IDH3A: variants seen among roughly 807,000 people sequenced by gnomAD.
IDH3A encodes the protein isocitrate dehydrogenase [NAD] subunit alpha, mitochondrial.
Under a neutral mutation model 43.3 loss-of-function variants are expected in IDH3A, and 23 were observed. That is an observed-to-expected ratio of 0.53 (90% CI 0.38 to 0.75). The LOEUF (loss-of-function observed/expected upper bound fraction) is 0.75, where lower values mean the gene tolerates loss of function less well. Among genes scored for constraint, IDH3A ranks in the 30% least tolerant of loss-of-function variants. The pLI is 0.00. For synonymous variants in IDH3A, 154 were observed against 163.5 expected (o/e 0.94, Z 0.44); for missense variants, 329 against 474.4 (o/e 0.69, Z 2.85).
In IDH3A at chr15:78,161,541, A is replaced by G. The variant is rs779519779; in HGVS notation, c.290-40A>G. ...TTAGTAGGTCACACGTGAGACCAGA[A>G]TTCCTTCTAGTGTCATCTGGGTTTT... On this transcript the variant is annotated intron_variant, in intron 4 of 10. Transcript: ENST00000299518. This position sits in a 1 kb window ranked among gnomAD's most constrained non-coding sequence, Gnocchi z 4.8. The G allele has an allele frequency of 1.3e-6, 2 of 1,568,298 alleles. No homozygotes were observed. The highest frequency in any genetic ancestry group is 2.7e-5 in the African/African-American group (2 of 74,200).
chr15:78,164,610 C>T (rs1213620610), intron 8 of IDH3A, among the ~76,000 whole-genome samples: 2 of 152,188 alleles, frequency 1.3e-5, no homozygotes, highest in Non-Finnish European at 2.9e-5. Context: ...CCTTGGCCTC[C>T]CAAAGTGCTG....
intron 10 of IDH3A, among the ~76,000 whole-genome samples, chr15:78,166,640 G>T (rs1263929447): frequency 6.6e-6 from 1 of 152,082 alleles, no homozygotes; most frequent in East Asian, 1.9e-4. Context: ...CAAGTTCATT[G>T]ATTTTTTTTG....
chr15:78,150,148 C>G (rs962658793), intron 1 of IDH3A, among the ~76,000 whole-genome samples: 4 of 152,190 alleles, frequency 2.6e-5, no homozygotes, highest in Non-Finnish European at 5.9e-5. Context: ...CAATCTGGAG[C>G]GCTTTAGCTC....
chr15:78,165,219 T>G (rs2074726057), intron 9 of IDH3A, 143 bp downstream of exon 9: 1 of 617,730 alleles, frequency 1.6e-6, no homozygotes. Flanking sequence ...CGAGACGGAG[T>G]CTCGCTCTGT....
rs1285195324 is a variant in IDH3A, at chr15:78,161,807, C to G, written c.477+39C>G. The G allele has an allele frequency of 6.4e-7, 1 of 1,563,144 alleles. No homozygotes were observed. On this transcript the variant is annotated intron_variant, in intron 5 of 10. Coordinates refer to ENST00000299518, the MANE Select transcript of IDH3A (RefSeq NM_005530.3). The surrounding 1 kb of genome is among the most constrained non-coding windows in gnomAD (Gnocchi z 4.8). ...AGATTCTTTTTTATTCCTGCTTGGA[C>G]TGCTTTCTGTGCATCTGGGACCCCA...
chr15:78,168,984 C>T lies in IDH3A; in HGVS notation c.1080C>T (p.Arg360=). The change falls in exon 11 of 11, where the codon CGC becomes CGT. Residue 360 remains arginine, a synonymous_variant. Coordinates refer to ENST00000299518, the MANE Select transcript of IDH3A (RefSeq NM_005530.3). ...CAGACTTCACAGAGGAAATCTGTCG[C>T]CGAGTAAAAGATTTAGATTAACACT... ...KCSDFTEEIC[R]RVKDLD 1 of 1,599,512 alleles carries T rather than the reference C, an allele frequency of 6.3e-7. No individual in the cohort carries two copies. Among genetic ancestry groups the T allele is most frequent in the Non-Finnish European group, 8.6e-7 (1 of 1,167,854 alleles).
At position 78,170,804 on chromosome 15, in the gene IDH3A, T is replaced by C. The variant is rs904017710; in HGVS notation, c.*1799T>C. On this transcript the variant is annotated 3_prime_UTR_variant, in exon 11 of 11. Coordinates refer to ENST00000299518, the MANE Select transcript of IDH3A (RefSeq NM_005530.3). ...GTTAAATGCCCACTACTCTCTGCAC[T>C]GGTCCCACCTGCTCAATTGACAAAA... is the stretch of plus-strand genomic sequence containing the variant. The C allele has an allele frequency of 2.7e-4, 42 of 153,010 alleles. No individual in the cohort carries two copies. Among genetic ancestry groups the C allele is most frequent in the African/African-American group, 9.9e-4 (41 of 41,582 alleles). 9.5% of individuals were successfully genotyped at this position (153,010 alleles called of 1,614,324 possible).
At chr15:78,160,328 T>C (rs553638556) in intron 4 of IDH3A, 122 bp downstream of exon 4, 28 of 607,240 alleles carry the variant, frequency 4.6e-5, no homozygotes, top group African/African-American at 3.7e-4. Flanking sequence ...CGCCATTCTT[T>C]TATGAAGTAA....
In IDH3A at chr15:78,166,321, T is replaced by A. The variant is rs780754787; in HGVS notation, c.1017+19T>A. On this transcript the variant is annotated intron_variant, in intron 10 of 10. Coordinates refer to ENST00000299518, the MANE Select transcript of IDH3A (RefSeq NM_005530.3). Reference sequence around the variant, plus strand: ...CGGAAAGGTAACAGGAATCTTGATTTACTTGTGCTGGGTAAAATGCATTGC... The same window carrying A: ...CGGAAAGGTAACAGGAATCTTGATTAACTTGTGCTGGGTAAAATGCATTGC... 2 of 1,612,748 alleles carry A rather than the reference T, an allele frequency of 1.2e-6. No homozygotes were observed. Among genetic ancestry groups the A allele is most frequent in the Non-Finnish European group, 1.7e-6 (2 of 1,178,752 alleles).
chr15:78,157,627 C>A lies in IDH3A; in HGVS notation c.170C>A (p.Ala57Asp), dbSNP rs1315229949. 3.1e-6 allele frequency: 5 copies of A among 1,606,584 alleles called. No homozygotes were observed. In the South Asian group the frequency reaches 3.3e-5, roughly 11 times the overall value. ...GCAGTTATGAAGATTTTTGATGCTG[C>A]CAAAGTAAGTGGGCTTAAAAAATAC... ...SAAVMKIFDA[A>D]KAPIQWEERN... is the part of the protein sequence containing the mutation. Residue 57 changes from alanine (A) to aspartate (D), a missense_variant, in exon 3 of 11, where the codon GCC (alanine) becomes GAC (aspartate). Physicochemically the swap from Ala to Asp is moderately radical, Grantham distance 126 (BLOSUM62 -2). This residue lies in a region of IDH3A where 212 missense variants were observed against 345.5 expected (regional missense o/e 0.61). Coordinates refer to ENST00000299518, the MANE Select transcript of IDH3A (RefSeq NM_005530.3).
In IDH3A at chr15:78,161,574, A is replaced by G. The variant is rs1567070988; in HGVS notation, c.290-7A>G. ...TAGTGTCATCTGGGTTTTCTTCTGT[A>G]TAACAGGCCCTTTGAAGACCCCAAT... On this transcript the variant is annotated splice_region_variant and splice_polypyrimidine_tract_variant and intron_variant, in intron 4 of 10. Coordinates refer to ENST00000299518, the MANE Select transcript of IDH3A (RefSeq NM_005530.3). The surrounding 1 kb of genome is among the most constrained non-coding windows in gnomAD (Gnocchi z 4.8). 1 of 1,611,096 alleles carries G rather than the reference A, an allele frequency of 6.2e-7. No individual in the cohort carries two copies. Among genetic ancestry groups the G allele is most frequent in the African/African-American group, 1.3e-5 (1 of 75,026 alleles).
intron 8 of IDH3A, among the ~76,000 whole-genome samples, chr15:78,164,310 C>T (rs1020602899): frequency 2.0e-5 from 3 of 151,520 alleles, no homozygotes; most frequent in African/African-American, 7.3e-5. Context: ...TCTCTCCCCC[C>T]CCGACACACA....
At chr15:78,159,797 C>T (rs1364918391) in intron 3 of IDH3A, among the ~76,000 whole-genome samples, 1 of 152,092 alleles carries the variant, frequency 6.6e-6, no homozygotes, top group Non-Finnish European at 1.5e-5. Flanking sequence ...TTGAGACCAG[C>T]CTGGCCAATA....
At position 78,171,783 on chromosome 15, in the gene IDH3A, G is replaced by A; in HGVS notation, c.*2778G>A. 2.9e-6 allele frequency: 1 copy of A among 341,210 alleles called. No homozygotes were observed. Among genetic ancestry groups the A allele is most frequent in the Non-Finnish European group, 5.4e-6 (1 of 185,134 alleles). 21.1% of individuals were successfully genotyped at this position (341,210 alleles called of 1,614,324 possible). A position where few individuals can be genotyped will look rare whatever the true frequency, so the allele number is the denominator to read the frequency against. On this transcript the variant is annotated 3_prime_UTR_variant, in exon 11 of 11. Coordinates refer to ENST00000299518, the MANE Select transcript of IDH3A (RefSeq NM_005530.3). ...GGTTGGTATGTCACCTCTGAGAATA[G>A]GTTATAAAAGATCAGTTTCTTTTAT...
intron 10 of IDH3A, 43 bp downstream of exon 10, chr15:78,166,345 G>T (rs1464519783): frequency 6.3e-7 from 1 of 1,590,302 alleles, no homozygotes; most frequent in Non-Finnish European, 8.6e-7. Context: ...AAAATGCATT[G>T]CTTCCATGTG....
At chr15:78,164,158 G>C (rs147091363) in intron 8 of IDH3A, among the ~76,000 whole-genome samples, 1 of 152,100 alleles carries the variant, frequency 6.6e-6, no homozygotes, top group Non-Finnish European at 1.5e-5. Context: ...TGTAAGAATA[G>C]TACAAAGAAT....
Position 78,162,198 on chromosome 15 carries a change from A to G in IDH3A, c.478-36A>G, listed in dbSNP as rs778292100. The G allele has an allele frequency of 5.6e-6, 9 of 1,612,762 alleles. No individual in the cohort carries two copies. In the South Asian group the frequency reaches 9.9e-5, roughly 18 times the overall value. On this transcript the variant is annotated intron_variant, in intron 5 of 10. Coordinates refer to ENST00000299518, the MANE Select transcript of IDH3A (RefSeq NM_005530.3). ...CTGTCTCCCACTGCGTTGCTGTCAC[A>G]CTCTTTCCAGCAAGGTGGGACTTCC...
rs995215356 is a variant in IDH3A, at chr15:78,166,222, A to C, written c.937A>C (p.Met313Leu). 3.1e-6 allele frequency: 5 copies of C among 1,614,030 alleles called. No individual in the cohort carries two copies. The highest frequency in any genetic ancestry group is 3.3e-5 in the Admixed American group (2 of 59,996). ...CACAGCCCTCCTGCTCAGTGCCGTG[A>C]TGATGCTGCGCCACATGGGACTTTT... Reference protein sequence around the residue: ...NPTALLLSAVMMLRHMGLFDH... With the variant: ...NPTALLLSAVLMLRHMGLFDH... Residue 313 changes from methionine to leucine, a missense_variant, in exon 10 of 11, where the codon ATG becomes CTG. Physicochemically the swap from Met to Leu is conservative, Grantham distance 15. Transcript: ENST00000299518.
intron 6 of IDH3A, among the ~76,000 whole-genome samples, 176 bp downstream of exon 6, chr15:78,162,543 CTGTTT>C (rs1180135582): frequency 3.0e-4 from 42 of 138,744 alleles, no homozygotes; most frequent in African/African-American, 9.4e-4. Flanking sequence ...CTTTTCTCCT[CTGTTT>C]TTTTTTTTTT....
Sources: allele counts gnomAD v4.1 joint callset (sites outside exome capture counted in the v4.1 genomes callset), GRCh38; gene constraint gnomAD v4.1.1; regional missense constraint gnomAD v4.1.1; non-coding constraint Gnocchi (gnomAD v3.1); transcripts MANE v1.5; gene names NCBI Gene and HGNC (gene_info 2026-07-23, HGNC 2026-07-21).